Variants in CD163L1 observed in about 807,000 individuals in gnomAD.
The protein encoded by CD163L1 is CD163 molecule like 1, also known as scavenger receptor cysteine-rich type 1 protein M160.
Under a neutral mutation model 165.4 loss-of-function variants are expected in CD163L1, and 124 were observed. The observed-to-expected ratio is 0.75, with a 90% CI of 0.65 to 0.87. The LOEUF (loss-of-function observed/expected upper bound fraction) is 0.87, where lower values mean the gene tolerates loss of function less well. Among genes scored for constraint, CD163L1 ranks in the 40% least tolerant of loss-of-function variants. The probability of loss-of-function intolerance (pLI) is 0.00; values close to 1 mark genes in which losing one functional copy is unlikely to be tolerated. For synonymous variants in CD163L1, 585 were observed against 662.2 expected (o/e 0.88, Z 1.79); for missense variants, 1,525 against 1,799.9 (o/e 0.85, Z 2.76).
At chr12:7,362,540 TA>T (rs1946923579) in intron 18 of CD163L1, among the ~76,000 whole-genome samples, 1 of 143,126 alleles carries the variant, frequency 7.0e-6, no homozygotes, top group Non-Finnish European at 1.5e-5. Flanking sequence ...TGTATAAATA[TA>T]TAATATATTA....
chr12:7,426,667 G>A lies in CD163L1; in HGVS notation c.766+5749C>T, dbSNP rs149482170. 4.2e-3 allele frequency among the ~76,000 whole-genome samples: 645 copies of A among 152,002 alleles called. 4 individuals are homozygous for A. The highest frequency in any genetic ancestry group is 0.027 in the South Asian group (132 of 4,820). ...ACCAGGTTGATAGGTGCAGCAAACC[G>A]CCCTGGCACATGTCTACCCATGTAA... On this transcript the variant is annotated intron_variant, in intron 4 of 19. Coordinates refer to ENST00000313599, the MANE Select transcript of CD163L1 (RefSeq NM_174941.6).
intron 4 of CD163L1, among the ~76,000 whole-genome samples, chr12:7,421,693 ATATG>A (rs1282038339): frequency 4.2e-5 from 6 of 144,250 alleles, no homozygotes; most frequent in South Asian, 2.1e-4. Context: ...ACATATACAT[ATATG>A]TATGTGTACA....
chr12:7,374,660 C>T lies in CD163L1; in HGVS notation c.3191G>A (p.Gly1064Asp), dbSNP rs760420968. The T allele has an allele frequency of 1.2e-6, 2 of 1,614,222 alleles. No individual in the cohort carries two copies. The highest frequency in any genetic ancestry group is 8.5e-7 in the Non-Finnish European group (1 of 1,180,032). ...DGFWGTICDD[G>D]WDLSDAHVVC... Reference sequence around the variant, plus strand: ...CACGTGGGCATCGCTCAGGTCCCAGCCGTCATCACAGATGGTGCCCCAGAA... The same window carrying T: ...CACGTGGGCATCGCTCAGGTCCCAGTCGTCATCACAGATGGTGCCCCAGAA... The change falls in exon 13 of 20, where the codon GGC becomes GAC. Residue 1064 changes from glycine to aspartate, a missense_variant. Gly to Asp is a moderately conservative substitution (Grantham distance 94, BLOSUM62 -1). Transcript: ENST00000313599. The surrounding 1 kb of genome is among the most constrained non-coding windows in gnomAD (Gnocchi z 5.4).
In CD163L1 at chr12:7,416,759, T is replaced by C. The variant is rs755454433; in HGVS notation, c.767-9907A>G. Among the ~76,000 whole-genome samples the C allele has an allele frequency of 3.3e-5, 5 of 152,278 alleles. No homozygotes were observed. The East Asian group carries it at 9.6e-4, about 29-fold the overall frequency. On this transcript the variant is annotated intron_variant, in intron 4 of 19. Coordinates refer to ENST00000313599, the MANE Select transcript of CD163L1 (RefSeq NM_174941.6). Reference sequence around the variant, plus strand: ...GTGGCATTATTTCTGAGGCCTGTGTTCTGTTCCATTGGTCTATATATCTGT... The same window carrying C: ...GTGGCATTATTTCTGAGGCCTGTGTCCTGTTCCATTGGTCTATATATCTGT...
rs1196830597 is a variant in CD163L1, at chr12:7,347,295, C to G, written c.*25-148G>C. On this transcript the variant is annotated intron_variant, in intron 4 of 4. Coordinates refer to the CD163L1 transcript ENST00000539726. This position sits in a 1 kb window ranked among gnomAD's most constrained non-coding sequence, Gnocchi z 4.2. ...GGGCACCAACATTTTAATTTCCTTA[C>G]CAGGAAATCATTGCTCTTCAAAGAT... 6.6e-6 allele frequency: 1 copy of G among 152,038 alleles called. No individual in the cohort carries two copies. The highest frequency in any genetic ancestry group is 1.5e-5 in the Non-Finnish European group (1 of 68,002). 9.4% of individuals were successfully genotyped at this position (152,038 alleles called of 1,614,324 possible). A position where few individuals can be genotyped will look rare whatever the true frequency, so the allele number is the denominator to read the frequency against.
At chr12:7,387,756 C>T (rs1376145049) in intron 8 of CD163L1, among the ~76,000 whole-genome samples, 2 of 152,110 alleles carry the variant, frequency 1.3e-5, no homozygotes, top group Non-Finnish European at 2.9e-5. Context: ...AATTACCCAG[C>T]CTCGAGTATT....
chr12:7,367,506 T>C (rs1031402693), intron 17 of CD163L1, 175 bp from the exon 18 acceptor site: 3 of 473,242 alleles, frequency 6.3e-6, no homozygotes, highest in African/African-American at 5.8e-5. Flanking sequence ...TATCCTCCTT[T>C]TTCTCCCTTG....
In CD163L1 at chr12:7,368,085, A is replaced by C. The variant is rs766321965; in HGVS notation, c.4183+2T>G. The C allele has an allele frequency of 1.9e-6, 3 of 1,563,416 alleles. No homozygotes were observed. In the East Asian group the frequency reaches 6.7e-5, roughly 35 times the overall value. Reference sequence around the variant, plus strand: ...TTTATACAATCCTAGTGGGGCTCTCACCTCTGAGGGGCAGATGTTTTTGTT... The same window carrying C: ...TTTATACAATCCTAGTGGGGCTCTCCCCTCTGAGGGGCAGATGTTTTTGTT... On this transcript the variant is annotated splice_donor_variant, in intron 17 of 19. Coordinates refer to ENST00000313599, the MANE Select transcript of CD163L1 (RefSeq NM_174941.6). LOFTEE classifies it high-confidence loss of function. The surrounding 1 kb of genome is among the most constrained non-coding windows in gnomAD (Gnocchi z 4.3).
rs111943372 is a variant in CD163L1 at position 7,413,091 on chromosome 12, C to CAAA, written c.767-6242_767-6240dup. 4.8e-3 allele frequency among the ~76,000 whole-genome samples: 189 copies of CAAA among 39,228 alleles called. 8 individuals are homozygous for CAAA. Among genetic ancestry groups the CAAA allele is most frequent in the South Asian group, 0.023 (20 of 880 alleles). 25.7% of individuals were successfully genotyped at this position (39,228 alleles called of 152,430 possible). A position where few individuals can be genotyped will look rare whatever the true frequency, so the allele number is the denominator to read the frequency against. On this transcript the variant is annotated intron_variant, in intron 4 of 19. Transcript: ENST00000313599. ...TGAGCGACAGAGTGAGACTCCATCTCAAAAAAAAAAAAAAAAAAAAAAGAG... is the reference window on the plus strand; with the variant it reads ...TGAGCGACAGAGTGAGACTCCATCTCAAAAAAAAAAAAAAAAAAAAAAAAAGAG...
At chr12:7,394,480 C>A (rs1947731468) in intron 8 of CD163L1, among the ~76,000 whole-genome samples, 2 of 152,128 alleles carry the variant, frequency 1.3e-5, no homozygotes, top group African/African-American at 2.4e-5. Flanking sequence ...GACCTAAAAG[C>A]ATAAAAACCC....
rs1947171883 is a variant in CD163L1 at position 7,372,804 on chromosome 12, A to C, written c.3730+516T>G. On this transcript the variant is annotated intron_variant, in intron 14 of 19. Transcript: ENST00000313599. The surrounding 1 kb of genome is among the most constrained non-coding windows in gnomAD (Gnocchi z 4.2). Reference sequence around the variant, plus strand: ...GATTAAACGTGGAATGCATTTTATTATTTATAATTGTACAATTTCTAAAAT... The same window carrying C: ...GATTAAACGTGGAATGCATTTTATTCTTTATAATTGTACAATTTCTAAAAT... 6.6e-6 allele frequency among the ~76,000 whole-genome samples: 1 copy of C among 152,010 alleles called. No homozygotes were observed. The highest frequency in any genetic ancestry group is 2.1e-4 in the South Asian group (1 of 4,836).
downstream of CD163L1, among the ~76,000 whole-genome samples, chr12:7,354,329 T>C (rs1216739796): frequency 6.6e-6 from 1 of 152,092 alleles, no homozygotes; most frequent in Non-Finnish European, 1.5e-5. Flanking sequence ...GGAACAACAA[T>C]ATGTTCAAAA....
chr12:7,368,906 T>G lies in CD163L1; in HGVS notation c.4072+27A>C. The G allele has an allele frequency of 6.2e-7, 1 of 1,612,646 alleles. No homozygotes were observed. The highest frequency in any genetic ancestry group is 1.3e-5 in the African/African-American group (1 of 74,976). ...TTCCATGTAGCCTTAGGTATTTGTG[T>G]CAGCACTGATAGGCAGAAGACTATA... On this transcript the variant is annotated intron_variant, in intron 16 of 19. Coordinates refer to ENST00000313599, the MANE Select transcript of CD163L1 (RefSeq NM_174941.6). The surrounding 1 kb of genome is among the most constrained non-coding windows in gnomAD (Gnocchi z 4.3).
chr12:7,386,902 TAAGA>T (rs1947532850), intron 8 of CD163L1, among the ~76,000 whole-genome samples: 1 of 152,104 alleles, frequency 6.6e-6, no homozygotes, highest in South Asian at 2.1e-4. Flanking sequence ...GTCTTACCTA[TAAGA>T]ACTGGAAAAA....
At chr12:7,370,522 C>T (rs1168259878) in intron 14 of CD163L1, among the ~76,000 whole-genome samples, 1 of 152,146 alleles carries the variant, frequency 6.6e-6, no homozygotes, top group East Asian at 1.9e-4. Context: ...GGAAAAGTTA[C>T]AGTTTCAGTA....
intron 5 of CD163L1, among the ~76,000 whole-genome samples, chr12:7,404,945 CTG>C (rs1301519569): frequency 6.6e-6 from 1 of 152,054 alleles, no homozygotes; most frequent in Non-Finnish European, 1.5e-5. Flanking sequence ...AGATTTTAAA[CTG>C]TGAAACTGTG....
intron 17 of CD163L1, 171 bp downstream of exon 17, chr12:7,367,916 G>T (rs1453392649): frequency 7.2e-6 from 4 of 556,808 alleles, no homozygotes; most frequent in African/African-American, 1.9e-5. Context: ...GGAAATTGTG[G>T]ATTGGCTGAT....
chr12:7,404,866 C>CT (rs1947986458), intron 5 of CD163L1, among the ~76,000 whole-genome samples: 1 of 151,942 alleles, frequency 6.6e-6, no homozygotes, highest in African/African-American at 2.4e-5. Context: ...TGCTGTTATC[C>CT]TAGTCATGAT....
intron 6 of CD163L1, among the ~76,000 whole-genome samples, chr12:7,401,852 A>G (rs1212066013): frequency 6.6e-6 from 1 of 152,044 alleles, no homozygotes; most frequent in Non-Finnish European, 1.5e-5. Context: ...CACTGGGTTT[A>G]TAATTTGAAA....
Sources: allele counts gnomAD v4.1 joint callset (sites outside exome capture counted in the v4.1 genomes callset), GRCh38; gene constraint gnomAD v4.1.1; non-coding constraint Gnocchi (gnomAD v3.1); transcripts MANE v1.5; gene names NCBI Gene and HGNC (gene_info 2026-07-23, HGNC 2026-07-21).